PLEKHG1: variants seen among roughly 807,000 people sequenced by gnomAD.
The protein encoded by PLEKHG1 is pleckstrin homology domain-containing family G member 1.
PLEKHG1 carries 44 observed loss-of-function variants against 100.8 expected under a neutral mutation model. The observed-to-expected ratio is 0.44, with a 90% CI of 0.34 to 0.56. The LOEUF (loss-of-function observed/expected upper bound fraction) is 0.56, where lower values mean the gene tolerates loss of function less well. Ranked by LOEUF, PLEKHG1 falls within the 20% of genes least tolerant of loss-of-function variation. The pLI is 0.01. For missense variants in PLEKHG1, 1,545 were observed against 1,720.9 expected (o/e 0.90, Z 1.81); for synonymous variants, 640 against 662.5 (o/e 0.97, Z 0.52).
At chr6:150,682,175 G>A (rs1014895661) in intron 3 of PLEKHG1, among the ~76,000 whole-genome samples, 6 of 152,082 alleles carry the variant, frequency 3.9e-5, no homozygotes, top group African/African-American at 1.4e-4. Context: ...GCCTTGTGCT[G>A]GCAGGCCCAG....
intron 3 of PLEKHG1, among the ~76,000 whole-genome samples, chr6:150,705,296 T>G (rs1780958725): frequency 6.6e-6 from 1 of 152,278 alleles, no homozygotes; most frequent in South Asian, 2.1e-4. Context: ...ACACTCATTT[T>G]TATAAGCTGT....
At chr6:150,828,198 A>T (rs2128685396) in intron 14 of PLEKHG1, 4 of 1,613,906 alleles carry the variant, frequency 2.5e-6, no homozygotes, top group Non-Finnish European at 3.4e-6. Flanking sequence ...GGCTCAGTTT[A>T]TTGGTCCTCT....
upstream of PLEKHG1, among the ~76,000 whole-genome samples, chr6:150,719,317 A>T (rs1781566062): frequency 6.6e-6 from 1 of 152,166 alleles, no homozygotes; most frequent in Non-Finnish European, 1.5e-5. Flanking sequence ...TCCAAGTACA[A>T]TGTAATTTTA....
At chr6:150,614,633 G>A (rs1776985254) in intron 1 of PLEKHG1, among the ~76,000 whole-genome samples, 1 of 152,068 alleles carries the variant, frequency 6.6e-6, no homozygotes, top group Non-Finnish European at 1.5e-5. Context: ...CCTCAACAGT[G>A]TCATCTCCCC....
intron 11 of PLEKHG1, among the ~76,000 whole-genome samples, chr6:150,818,486 C>T (rs1348883639): frequency 6.6e-6 from 1 of 152,184 alleles, no homozygotes; most frequent in East Asian, 1.9e-4. Context: ...TCTCCAGGGT[C>T]AACTCTACCC....
chr6:150,791,019 G>A (rs902773395), intron 4 of PLEKHG1, among the ~76,000 whole-genome samples: 15 of 152,204 alleles, frequency 9.9e-5, no homozygotes, highest in East Asian at 7.7e-4. Context: ...GTGAGACTCC[G>A]TCTCAAAAAC....
At chr6:150,700,898 C>A (rs917621782) in intron 3 of PLEKHG1, among the ~76,000 whole-genome samples, 1 of 150,958 alleles carries the variant, frequency 6.6e-6, no homozygotes, top group African/African-American at 2.5e-5. Context: ...TTCCCTCTCT[C>A]TCTAAACAAT....
chr6:150,750,625 A>G (rs1783453379), intron 2 of PLEKHG1, among the ~76,000 whole-genome samples: 1 of 151,442 alleles, frequency 6.6e-6, no homozygotes, highest in Non-Finnish European at 1.5e-5. Flanking sequence ...CTAAAAATAC[A>G]AAAAAATTAG....
At chr6:150,824,082 CA>C (rs1776453714) in intron 14 of PLEKHG1, among the ~76,000 whole-genome samples, 2 of 152,218 alleles carry the variant, frequency 1.3e-5, no homozygotes, top group Admixed American at 6.5e-5. Context: ...AGCCTTCATT[CA>C]CAAGGGCGAG....
intron 1 of PLEKHG1, among the ~76,000 whole-genome samples, chr6:150,631,688 G>T (rs551115146): frequency 6.6e-6 from 1 of 152,134 alleles, no homozygotes; most frequent in Non-Finnish European, 1.5e-5. Flanking sequence ...TGGATTCGGG[G>T]GTTCCCCTTC....
At chr6:150,762,255 T>C (rs1002227553) in intron 2 of PLEKHG1, among the ~76,000 whole-genome samples, 2 of 151,348 alleles carry the variant, frequency 1.3e-5, no homozygotes, top group Non-Finnish European at 2.9e-5. Context: ...AGTGGCGCAA[T>C]CTCAGCTCAC....
intron 2 of PLEKHG1, among the ~76,000 whole-genome samples, chr6:150,645,253 TG>T (rs1778445322): frequency 6.6e-6 from 1 of 152,154 alleles, no homozygotes; most frequent in African/African-American, 2.4e-5. Context: ...CTGGGGTAAT[TG>T]GTTATCCTTA....
At chr6:150,783,159 GA>G (rs149760173) in intron 3 of PLEKHG1, among the ~76,000 whole-genome samples, 6 of 117,744 alleles carry the variant, frequency 5.1e-5, no homozygotes, top group East Asian at 2.4e-4. Flanking sequence ...AAGAAATGGG[GA>G]AAAAAAACTA....
At chr6:150,813,159 G>A (rs1228437735) in intron 10 of PLEKHG1, among the ~76,000 whole-genome samples, 1 of 152,082 alleles carries the variant, frequency 6.6e-6, no homozygotes, top group Non-Finnish European at 1.5e-5. Context: ...CAAAAAATTA[G>A]CTAGGCGTGG....
chr6:150,755,336 A>C (rs1479877013), intron 2 of PLEKHG1, among the ~76,000 whole-genome samples: 1 of 152,172 alleles, frequency 6.6e-6, no homozygotes. Context: ...CTCTCTGCCA[A>C]CGTTGATGGT....
exon 15 of PLEKHG1, chr6:150,832,164 C>T: frequency 6.2e-7 from 1 of 1,608,778 alleles, no homozygotes; most frequent in Non-Finnish European, 8.5e-7. Context: ...AAAGACCTGG[C>T]TGCCATCTTG....
At chr6:150,632,610 G>A (rs747483132) in intron 1 of PLEKHG1, among the ~76,000 whole-genome samples, 4 of 152,248 alleles carry the variant, frequency 2.6e-5, no homozygotes, top group Non-Finnish European at 5.9e-5. Context: ...AGGAACACAT[G>A]CAGGCTGGTA....
chr6:150,821,350 A>G (rs1776285060), intron 13 of PLEKHG1, 117 bp downstream of exon 14: 1 of 738,836 alleles, frequency 1.4e-6, no homozygotes, highest in Non-Finnish European at 2.3e-6. Context: ...TTTGATTACA[A>G]AAAGATTAAC....
intron 9 of PLEKHG1, 37 bp downstream of exon 10, chr6:150,809,513 TTGTGTAA>T: frequency 6.4e-7 from 1 of 1,551,112 alleles, no homozygotes; most frequent in Non-Finnish European, 8.9e-7. Context: ...CAAGGCCCCT[TTGTGTAA>T]TGATGAGTGC....
Sources: allele counts gnomAD v4.1 joint callset (sites outside exome capture counted in the v4.1 genomes callset), GRCh38; gene constraint gnomAD v4.1.1; transcripts MANE v1.5; gene names NCBI Gene and HGNC (gene_info 2026-07-23, HGNC 2026-07-21).